Variants in CALCRL observed in about 807,000 individuals in gnomAD.
The protein encoded by CALCRL is calcitonin receptor like receptor.
Under a neutral mutation model 60.4 loss-of-function variants are expected in CALCRL, and 27 were observed. The observed-to-expected ratio is 0.45, with a 90% CI of 0.33 to 0.62. The LOEUF (loss-of-function observed/expected upper bound fraction) is 0.62. CALCRL is among the 20% of genes least tolerant of loss of function. The pLI is 0.03. For synonymous variants in CALCRL, 190 were observed against 182.6 expected (o/e 1.04, Z -0.33); for missense variants, 424 against 540.7 (o/e 0.78, Z 2.14).
At chr2:187,351,598 T>C (rs577681697) in intron 14 of CALCRL, among the ~76,000 whole-genome samples, 2 of 151,914 alleles carry the variant, frequency 1.3e-5, no homozygotes, top group Non-Finnish European at 2.9e-5. Context: ...TTCTATGAGA[T>C]TTGGGATTGC....
chr2:187,380,301 AT>A (rs1382771144), intron 7 of CALCRL, among the ~76,000 whole-genome samples, 165 bp downstream of exon 7: 2 of 152,138 alleles, frequency 1.3e-5, no homozygotes, highest in Non-Finnish European at 2.9e-5. Flanking sequence ...ATCAATAATA[AT>A]TTTTTCCACG....
chr2:187,444,035 T>C (rs1436499393), intron 1 of CALCRL, among the ~76,000 whole-genome samples: 1 of 151,640 alleles, frequency 6.6e-6, no homozygotes, highest in Non-Finnish European at 1.5e-5. Context: ...TGATCCTCCA[T>C]GTGACTGCAC....
intron 8 of CALCRL, among the ~76,000 whole-genome samples, chr2:187,376,252 T>G (rs1687751917): frequency 6.6e-6 from 1 of 152,142 alleles, no homozygotes; most frequent in Non-Finnish European, 1.5e-5. Context: ...TTTTTTAAAT[T>G]TTTTTAATTG....
At chr2:187,403,100 T>A (rs1688964064) in intron 1 of CALCRL, among the ~76,000 whole-genome samples, 1 of 151,720 alleles carries the variant, frequency 6.6e-6, no homozygotes. Context: ...GCTCCAGAAA[T>A]GTAAAAAATA....
At chr2:187,402,346 G>A (rs978723582) in intron 1 of CALCRL, among the ~76,000 whole-genome samples, 1 of 151,530 alleles carries the variant, frequency 6.6e-6, no homozygotes, top group Non-Finnish European at 1.5e-5. Flanking sequence ...AGTATTATAG[G>A]TACTCAATTA....
At chr2:187,380,616 A>G (rs1289702076) in intron 6 of CALCRL, 37 bp from the exon 7 acceptor site, 5 of 1,592,328 alleles carry the variant, frequency 3.1e-6, no homozygotes, top group Non-Finnish European at 4.3e-6. Context: ...CAGGAATTTA[A>G]TTAACCTAGG....
intron 14 of CALCRL, among the ~76,000 whole-genome samples, chr2:187,348,618 A>G (rs937966341): frequency 6.6e-6 from 1 of 151,602 alleles, no homozygotes; most frequent in Non-Finnish European, 1.5e-5. Flanking sequence ...TCATCACTCT[A>G]TTTCTTCCTT....
At chr2:187,398,576 G>C (rs1048886270) in intron 1 of CALCRL, among the ~76,000 whole-genome samples, 1 of 151,404 alleles carries the variant, frequency 6.6e-6, no homozygotes, top group African/African-American at 2.4e-5. Context: ...ATTCTCTCTG[G>C]TTCAAGTAAG....
At position 187,380,455 on chromosome 2, in the gene CALCRL, A is replaced by G. The variant is rs1402197488; in HGVS notation, c.408+12T>C. ...ACTGTAAGTTAAATTTCAATTCAGA[A>G]TTATGACATACCTTCACTTTCTCGT... is the stretch of plus-strand genomic sequence containing the variant. On this transcript the variant is annotated intron_variant, in intron 7 of 14. Coordinates refer to ENST00000392370, the MANE Select transcript of CALCRL (RefSeq NM_005795.6). 1.4e-6 allele frequency: 2 copies of G among 1,472,466 alleles called. No homozygotes were observed. Among genetic ancestry groups the G allele is most frequent in the East Asian group, 2.3e-5 (1 of 44,164 alleles). 91.2% of individuals were successfully genotyped at this position (1,472,466 alleles called of 1,614,324 possible). A position where few individuals can be genotyped will look rare whatever the true frequency, so the allele number is the denominator to read the frequency against.
chr2:187,386,370 A>T (rs1162555741), intron 3 of CALCRL, among the ~76,000 whole-genome samples: 2 of 152,162 alleles, frequency 1.3e-5, no homozygotes, highest in Non-Finnish European at 2.9e-5. Flanking sequence ...GAGAATCAAC[A>T]TCTATACATC....
At chr2:187,389,229 C>T (rs1218092419) in intron 1 of CALCRL, among the ~76,000 whole-genome samples, 1 of 151,966 alleles carries the variant, frequency 6.6e-6, no homozygotes, top group South Asian at 2.1e-4. Flanking sequence ...CCCACCACTG[C>T]GCCTGGCTAA....
At chr2:187,395,967 C>T (rs1481657769) in intron 1 of CALCRL, among the ~76,000 whole-genome samples, 2 of 151,802 alleles carry the variant, frequency 1.3e-5, no homozygotes, top group Non-Finnish European at 2.9e-5. Context: ...ACAGTTTTTA[C>T]TCCTAGTAAC....
At chr2:187,362,094 T>C (rs1454233481) in intron 9 of CALCRL, among the ~76,000 whole-genome samples, 1 of 151,976 alleles carries the variant, frequency 6.6e-6, no homozygotes, top group Non-Finnish European at 1.5e-5. Context: ...AGTTAATCGA[T>C]AAACCATTAC....
At chr2:187,442,220 C>T (rs1006350028) in intron 1 of CALCRL, among the ~76,000 whole-genome samples, 7 of 148,816 alleles carry the variant, frequency 4.7e-5, no homozygotes, top group African/African-American at 1.5e-4. Context: ...ATATATTTTA[C>T]CTTATTTTAT....
At chr2:187,388,633 G>T (rs1311692032) in intron 1 of CALCRL, among the ~76,000 whole-genome samples, 1 of 151,896 alleles carries the variant, frequency 6.6e-6, no homozygotes, top group African/African-American at 2.4e-5. Context: ...CTAATGAAAT[G>T]CCAACCTATT....
At chr2:187,396,973 C>T (rs1688682468) in intron 1 of CALCRL, among the ~76,000 whole-genome samples, 4 of 151,556 alleles carry the variant, frequency 2.6e-5, no homozygotes. Context: ...ATGAGTTAGA[C>T]TTCTTGTTTT....
chr2:187,380,451 C>T lies in CALCRL; in HGVS notation c.408+16G>A, dbSNP rs748544887. 4 of 1,438,846 alleles carry T rather than the reference C, an allele frequency of 2.8e-6. No homozygotes were observed. The highest frequency in any genetic ancestry group is 1.2e-5 in the South Asian group (1 of 86,788). The allele number at this position is 1,438,846 out of a possible 1,614,324, so 89.1% of individuals were successfully genotyped here. A position where few individuals can be genotyped will look rare whatever the true frequency, so the allele number is the denominator to read the frequency against. ...AGATACTGTAAGTTAAATTTCAATT[C>T]AGAATTATGACATACCTTCACTTTC... is the stretch of plus-strand genomic sequence containing the variant. On this transcript the variant is annotated intron_variant, in intron 7 of 14. Coordinates refer to ENST00000392370, the MANE Select transcript of CALCRL (RefSeq NM_005795.6).
At chr2:187,439,603 GAA>G (rs1690803291) in intron 1 of CALCRL, among the ~76,000 whole-genome samples, 1 of 152,104 alleles carries the variant, frequency 6.6e-6, no homozygotes, top group Non-Finnish European at 1.5e-5. Context: ...AGATAAAAAA[GAA>G]AAGAGGTCTG....
At chr2:187,368,013 A>C (rs1484227119) in intron 8 of CALCRL, among the ~76,000 whole-genome samples, 1 of 152,062 alleles carries the variant, frequency 6.6e-6, no homozygotes, top group African/African-American at 2.4e-5. Flanking sequence ...AAGTAGCGTC[A>C]AGTCACTATG....
Sources: gnomAD v4.1 joint callset for allele counts (sites outside exome capture counted in the v4.1 genomes callset) on GRCh38, gnomAD v4.1.1 for gene constraint, MANE v1.5 for transcripts, NCBI Gene and HGNC (gene_info 2026-07-23, HGNC 2026-07-21) for gene names.